The following TAFA5 variants were observed in gnomAD, a reference collection of about 807,000 sequenced individuals.
TAFA5 encodes chemokine-like protein TAFA-5.
In TAFA5, 6 loss-of-function variants were observed where a neutral mutation model predicts 15.3. That is an observed-to-expected ratio of 0.39 (90% CI 0.21 to 0.77). TAFA5 has a LOEUF of 0.77. Among genes scored for constraint, TAFA5 ranks in the 30% least tolerant of loss-of-function variants. TAFA5 has a pLI of 0.41. For synonymous variants in TAFA5, 103 were observed against 80.7 expected (o/e 1.28, Z -1.48); for missense variants, 161 against 193.1 (o/e 0.83, Z 0.98).
chr22:48,527,834 CG>C (rs1921831860), intron 1 of TAFA5, among the ~76,000 whole-genome samples: 1 of 152,168 alleles, frequency 6.6e-6, no homozygotes, highest in African/African-American at 2.4e-5. Flanking sequence ...TGAGATGCGC[CG>C]GGTGTTTCAC....
rs57578802 is a variant in TAFA5 at position 48,571,574 on chromosome 22, G to GTTTTTTT, written c.113-74997_113-74991dup. 7.5e-4 allele frequency among the ~76,000 whole-genome samples: 22 copies of GTTTTTTT among 29,236 alleles called. 4 individuals are homozygous for GTTTTTTT. Among genetic ancestry groups the GTTTTTTT allele is most frequent in the Non-Finnish European group, 1.2e-3 (18 of 15,102 alleles). 19.2% of individuals were successfully genotyped at this position (29,236 alleles called of 152,430 possible). ...AGGCATGAGCCACTGTGCCTGGCCT[G>GTTTTTTT]TTTTTTTTTTTTTTTTTTTTTTTTT... is the stretch of plus-strand genomic sequence containing the variant. On this transcript the variant is annotated intron_variant, in intron 1 of 3. Coordinates refer to ENST00000402357, the MANE Select transcript of TAFA5 (RefSeq NM_001082967.3).
intron 1 of TAFA5, among the ~76,000 whole-genome samples, chr22:48,642,599 G>T (rs1037420851): frequency 6.6e-6 from 1 of 152,198 alleles, no homozygotes; most frequent in Non-Finnish European, 1.5e-5. Flanking sequence ...CTCCCCAAAG[G>T]CCTCACAGTG....
At chr22:48,649,885 A>T (rs1255231174) in intron 2 of TAFA5, among the ~76,000 whole-genome samples, 1 of 152,112 alleles carries the variant, frequency 6.6e-6, no homozygotes, top group Non-Finnish European at 1.5e-5. Context: ...TTACTAATTG[A>T]ATCTGGGTCT....
At chr22:48,600,341 G>C (rs1924919871) in intron 1 of TAFA5, among the ~76,000 whole-genome samples, 1 of 152,186 alleles carries the variant, frequency 6.6e-6, no homozygotes, top group Admixed American at 6.5e-5. Context: ...GGAGGCCAGG[G>C]TGGCATCCTG....
Position 48,541,631 on chromosome 22 carries a change from G to A in TAFA5, c.112+51927G>A, listed in dbSNP as rs528878101. Among the ~76,000 whole-genome samples the A allele has an allele frequency of 6.6e-5, 10 of 152,262 alleles. No individual in the cohort carries two copies. The East Asian group carries it at 1.9e-3, about 30-fold the overall frequency. ...CTGTGTCGGTGTTGGGAGGGTGGAG[G>A]GAGGCCAGGGTGGGAGGCCCCATGC... On this transcript the variant is annotated intron_variant, in intron 1 of 3. Transcript: ENST00000402357.
chr22:48,536,800 G>C (rs757457163), intron 1 of TAFA5, among the ~76,000 whole-genome samples: 9 of 152,232 alleles, frequency 5.9e-5, no homozygotes, highest in Non-Finnish European at 1.2e-4. Context: ...GCTCCAGGAG[G>C]GTTTACGCTG....
chr22:48,546,587 G>A (rs1250744676), intron 1 of TAFA5: 1 of 471,230 alleles, frequency 2.1e-6, no homozygotes, highest in Non-Finnish European at 4.4e-6. Context: ...TGTGCATCCA[G>A]CGAGCTTTGG....
At position 48,669,508 on chromosome 22, in the gene TAFA5, GTGAA is replaced by G. The variant is rs1317455282; in HGVS notation, c.262+22766_262+22769del. 5.4e-4 allele frequency among the ~76,000 whole-genome samples: 82 copies of G among 152,346 alleles called. 1 individual carries two copies. In the East Asian group the frequency reaches 0.015, roughly 29 times the overall value. ...AGGCAGATTTGCCAGCCTCGCCATG[GTGAA>G]TGAGTGACCCTGAAGTGCCCCACAT... On this transcript the variant is annotated intron_variant, in intron 2 of 3. Transcript: ENST00000402357.
intron 2 of TAFA5, among the ~76,000 whole-genome samples, chr22:48,659,957 TC>T (rs1927377158): frequency 6.6e-6 from 1 of 152,204 alleles, no homozygotes; most frequent in South Asian, 2.1e-4. Context: ...GATGCTTTGA[TC>T]ATGTGACTTG....
At chr22:48,711,301 C>A (rs975388915) in intron 3 of TAFA5, among the ~76,000 whole-genome samples, 2 of 152,072 alleles carry the variant, frequency 1.3e-5, no homozygotes, top group Non-Finnish European at 2.9e-5. Context: ...AGACCTGTCT[C>A]TCAGCCTGTG....
At chr22:48,531,300 C>G (rs1921962954) in intron 1 of TAFA5, among the ~76,000 whole-genome samples, 1 of 152,184 alleles carries the variant, frequency 6.6e-6, no homozygotes, top group African/African-American at 2.4e-5. Context: ...CTGTCCTGGG[C>G]AGGGTGGGGC....
chr22:48,558,859 T>G (rs1034154021), intron 1 of TAFA5, among the ~76,000 whole-genome samples: 2 of 152,230 alleles, frequency 1.3e-5, no homozygotes, highest in Admixed American at 1.3e-4. Context: ...GCCCACCTCC[T>G]GGGCTTCACT....
intron 1 of TAFA5, among the ~76,000 whole-genome samples, chr22:48,510,619 G>A (rs1442232066): frequency 2.0e-5 from 3 of 152,224 alleles, no homozygotes; most frequent in Non-Finnish European, 4.4e-5. Context: ...TCTGGGGTGG[G>A]GGAACCTGGC....
At chr22:48,510,924 C>T (rs538279598) in intron 1 of TAFA5, among the ~76,000 whole-genome samples, 2 of 152,334 alleles carry the variant, frequency 1.3e-5, no homozygotes, top group South Asian at 2.1e-4. Flanking sequence ...TAGTTGTTTG[C>T]AAAAGTCCAT....
At chr22:48,628,655 G>A (rs1358118071) in intron 1 of TAFA5, among the ~76,000 whole-genome samples, 1 of 152,220 alleles carries the variant, frequency 6.6e-6, no homozygotes, top group Admixed American at 6.5e-5. Flanking sequence ...GACGAGCTTG[G>A]AGAAGCAGAG....
intron 1 of TAFA5, among the ~76,000 whole-genome samples, chr22:48,584,508 CA>C (rs1924253784): frequency 6.6e-6 from 1 of 150,430 alleles, no homozygotes; most frequent in Admixed American, 6.6e-5. Flanking sequence ...ATACACCACA[CA>C]CACACACACA....
chr22:48,602,024 G>C (rs750671865), intron 1 of TAFA5, among the ~76,000 whole-genome samples: 1 of 152,152 alleles, frequency 6.6e-6, no homozygotes, highest in Non-Finnish European at 1.5e-5. Flanking sequence ...ACGCTGGTGG[G>C]TTAAGCCCTC....
chr22:48,715,548 C>G (rs537557616), intron 3 of TAFA5, among the ~76,000 whole-genome samples: 2 of 152,338 alleles, frequency 1.3e-5, no homozygotes, highest in African/African-American at 4.8e-5. Flanking sequence ...CTCCCTGGCT[C>G]TCAGCCTTAG....
intron 1 of TAFA5, among the ~76,000 whole-genome samples, chr22:48,624,256 C>A (rs1925950253): frequency 6.6e-6 from 1 of 152,198 alleles, no homozygotes; most frequent in South Asian, 2.1e-4. Context: ...CTCATCACAT[C>A]CTATCGGGGC....
Sources: gnomAD v4.1 joint callset for allele counts (sites outside exome capture counted in the v4.1 genomes callset) on GRCh38, gnomAD v4.1.1 for gene constraint, MANE v1.5 for transcripts, NCBI Gene and HGNC (gene_info 2026-07-23, HGNC 2026-07-21) for gene names.